Variants in MCF2L observed in about 807,000 individuals in gnomAD.
MCF2L encodes guanine nucleotide exchange factor DBS.
MCF2L carries 97 observed loss-of-function variants against 153.4 expected under a neutral mutation model. That is an observed-to-expected ratio of 0.63 (90% confidence interval 0.54 to 0.75). The LOEUF is 0.75. Ranked by LOEUF, MCF2L falls within the 30% of genes least tolerant of loss-of-function variation. The pLI, the probability that MCF2L is intolerant of heterozygous loss-of-function variation, is 0.00. For synonymous variants in MCF2L, 659 were observed against 632.2 expected (o/e 1.04, Z -0.64); for missense variants, 1,347 against 1,495.2 (o/e 0.90, Z 1.64).
rs1452063528 is a variant in MCF2L, at chr13:113,031,211, CAGAGACAGAG to C, written c.278+6467_278+6476del. On this transcript the variant is annotated intron_variant, in intron 3 of 29. Coordinates refer to ENST00000535094, the MANE Select transcript of MCF2L (RefSeq NM_001112732.3). This position sits in a 1 kb window ranked among gnomAD's most constrained non-coding sequence, Gnocchi z 5.5. ...ACAGAGAGACAGAGACAGACAGAGA[CAGAGACAGAG>C]AGAGACAGAGAGAAGAGACAGAGAG... 6.7e-6 allele frequency among the ~76,000 whole-genome samples: 1 copy of C among 148,770 alleles called. No homozygotes were observed. The highest frequency in any genetic ancestry group is 1.5e-5 in the Non-Finnish European group (1 of 67,474).
At chr13:113,092,227 C>T (rs2035278851) in intron 26 of MCF2L, among the ~76,000 whole-genome samples, 1 of 152,264 alleles carries the variant, frequency 6.6e-6, no homozygotes, top group South Asian at 2.1e-4. Context: ...AATGCCGCTT[C>T]TGCTGCACTT....
chr13:112,995,731 G>A (rs2141007678), intron 1 of MCF2L, among the ~76,000 whole-genome samples: 1 of 152,272 alleles, frequency 6.6e-6, no homozygotes, highest in Admixed American at 6.5e-5. Context: ...AGGAACGGGG[G>A]AATGAGTGGG....
intron 4 of MCF2L, among the ~76,000 whole-genome samples, chr13:113,056,701 A>G (rs1459868443): frequency 7.4e-3 from 294 of 39,786 alleles, no homozygotes; most frequent in Middle Eastern, 0.025. Flanking sequence ...CTGAGTGTTT[A>G]GGTGCTGTGT....
chr13:112,962,973 T>C (rs942928682), intron 2 of MCF2L, among the ~76,000 whole-genome samples: 6 of 152,144 alleles, frequency 3.9e-5, no homozygotes, highest in African/African-American at 1.4e-4. Flanking sequence ...GTGCTTCCCC[T>C]CTCTGAGCAG....
intron 1 of MCF2L, among the ~76,000 whole-genome samples, chr13:112,982,063 G>A (rs554274768): frequency 4.6e-5 from 7 of 152,318 alleles, no homozygotes; most frequent in African/African-American, 1.7e-4. Context: ...TGCAGCAGTG[G>A]AGGCCTTGTC....
rs12584235 is a variant in MCF2L, at chr13:113,063,483, T to C, written c.490-821T>C. 6.0e-4 allele frequency among the ~76,000 whole-genome samples: 60 copies of C among 100,472 alleles called. 1 individual carries two copies. Among genetic ancestry groups the C allele is most frequent in the Non-Finnish European group, 6.9e-4 (32 of 46,634 alleles). 65.9% of individuals were successfully genotyped at this position (100,472 alleles called of 152,430 possible). ...CACAGCCGCCCACAGCGTTCAGGCGTCCCTGTCCACACAGCTGCCCACAGC... is the reference window on the plus strand; with the variant it reads ...CACAGCCGCCCACAGCGTTCAGGCGCCCCTGTCCACACAGCTGCCCACAGC... On this transcript the variant is annotated intron_variant, in intron 5 of 29. Transcript: ENST00000535094.
intron 3 of MCF2L, among the ~76,000 whole-genome samples, chr13:113,026,472 C>T (rs191812266): frequency 1.1e-4 from 16 of 152,340 alleles, no homozygotes; most frequent in African/African-American, 3.6e-4. Flanking sequence ...TCCTGGAGCT[C>T]GGAGGCCCAC....
chr13:112,968,555 G>C (rs539036853), upstream of MCF2L: 2 of 1,548,484 alleles, frequency 1.3e-6, no homozygotes, highest in African/African-American at 2.7e-5. Context: ...GCGGGGAGGG[G>C]CTGGTCCATC....
At chr13:113,084,848 G>A in intron 18 of MCF2L, 44 bp from the exon 19 acceptor site, 1 of 1,461,042 alleles carries the variant, frequency 6.8e-7, no homozygotes, top group Non-Finnish European at 9.6e-7. Flanking sequence ...GTGATGCGCT[G>A]CCCATCCCTC....
chr13:112,903,737 G>T (rs1449003142), intron 2 of MCF2L, among the ~76,000 whole-genome samples: 1 of 152,194 alleles, frequency 6.6e-6, no homozygotes, highest in African/African-American at 2.4e-5. Flanking sequence ...TGAGGACTGA[G>T]CCTCTTGGGA....
At position 113,064,321 on chromosome 13, in the gene MCF2L, C is replaced by T. The variant is rs765987538; in HGVS notation, c.507C>T (p.Ser169=). ...KMKVPVIMLS[S]VPDLHGYIDK... is the part of the protein sequence containing the mutation. ...TCCTCCAGGTCATAATGCTGAGCTC[C>T]GTACCAGACTTACACGGTTACATCG... The change falls in exon 6 of 30, where the codon TCC becomes TCT. Residue 169 remains serine, a synonymous_variant. Transcript: ENST00000535094. This position sits in a 1 kb window ranked among gnomAD's most constrained non-coding sequence, Gnocchi z 6.0. The T allele has an allele frequency of 5.6e-6, 9 of 1,612,842 alleles. No homozygotes were observed. The highest frequency in any genetic ancestry group is 4.5e-5 in the East Asian group (2 of 44,886).
At position 113,054,503 on chromosome 13, in the gene MCF2L, T is replaced by C. The variant is rs931404313; in HGVS notation, c.370-6090T>C. On this transcript the variant is annotated intron_variant, in intron 4 of 29. Transcript: ENST00000535094. The surrounding 1 kb of genome is among the most constrained non-coding windows in gnomAD (Gnocchi z 5.2). ...GATTCCGGCTCTAACGTCTTCTTCA[T>C]CTGTTAACACAGAGACACAAACAAA... 6.1e-6 allele frequency: 1 copy of C among 163,532 alleles called. No homozygotes were observed. Among genetic ancestry groups the C allele is most frequent in the Non-Finnish European group, 1.5e-5 (1 of 68,112 alleles). The allele number at this position is 163,532 out of a possible 1,614,324, so 10.1% of individuals were successfully genotyped here. A position where few individuals can be genotyped will look rare whatever the true frequency, so the allele number is the denominator to read the frequency against.
At position 113,089,172 on chromosome 13, in the gene MCF2L, C is replaced by A. The variant is rs1445059351; in HGVS notation, c.2835-438C>A. ...TTTAAAAAAGAAACACTCCCCCGCC[C>A]CCCCCCCCGCCCCCCGAAAAAAAAA... On this transcript the variant is annotated intron_variant, in intron 25 of 29. Coordinates refer to ENST00000535094, the MANE Select transcript of MCF2L (RefSeq NM_001112732.3). Among the ~76,000 whole-genome samples the A allele has an allele frequency of 3.1e-4, 35 of 111,136 alleles. 1 individual carries two copies. The highest frequency in any genetic ancestry group is 1.7e-3 in the South Asian group (4 of 2,346). The allele number at this position is 111,136 out of a possible 152,430, so 72.9% of individuals were successfully genotyped here. A position where few individuals can be genotyped will look rare whatever the true frequency, so the allele number is the denominator to read the frequency against.
At chr13:113,090,176 G>T (rs1381267295) in intron 26 of MCF2L, 5 of 1,522,636 alleles carry the variant, frequency 3.3e-6, no homozygotes, top group Non-Finnish European at 4.4e-6. Flanking sequence ...AGTAGTGCCT[G>T]CCCCAAACCC....
chr13:112,899,029 C>A (rs192315713), intron 1 of MCF2L, among the ~76,000 whole-genome samples: 1 of 152,212 alleles, frequency 6.6e-6, no homozygotes, highest in African/African-American at 2.4e-5. Context: ...GCTGAACCTG[C>A]GGAGAAGCTG....
At chr13:113,023,199 G>A (rs1461187773) in intron 2 of MCF2L, among the ~76,000 whole-genome samples, 2 of 152,250 alleles carry the variant, frequency 1.3e-5, no homozygotes, top group Admixed American at 6.5e-5. Context: ...CTCAAGGCAT[G>A]AGCCCTCAAA....
At chr13:113,014,124 C>A (rs1052316971) in intron 1 of MCF2L, among the ~76,000 whole-genome samples, 3 of 152,276 alleles carry the variant, frequency 2.0e-5, no homozygotes, top group Admixed American at 6.5e-5. Context: ...CCAGCCAGTG[C>A]TGGCCTGGTG....
At chr13:113,065,179 G>T (rs770277338) in intron 7 of MCF2L, 94 bp downstream of exon 7, 65 of 1,481,632 alleles carry the variant, frequency 4.4e-5, no homozygotes, top group Non-Finnish European at 6.0e-5. Context: ...GGGGTCTTTC[G>T]TCCCAGCGGG....
chr13:112,960,582 G>C lies in MCF2L; in HGVS notation c.170-54181G>C, dbSNP rs1263598837. On this transcript the variant is annotated intron_variant, in intron 2 of 29. Coordinates refer to the MCF2L transcript ENST00000375608. This position sits in a 1 kb window ranked among gnomAD's most constrained non-coding sequence, Gnocchi z 4.2. ...GGGCTTTGGGGTTTCGGTGTCCAGG[G>C]CTGTGTCAGTTTCCTATTGCAGTTG... Among the ~76,000 whole-genome samples the C allele has an allele frequency of 6.6e-6, 1 of 152,168 alleles. No individual in the cohort carries two copies. Among genetic ancestry groups the C allele is most frequent in the Non-Finnish European group, 1.5e-5 (1 of 68,032 alleles).
Sources: allele counts gnomAD v4.1 joint callset (sites outside exome capture counted in the v4.1 genomes callset), GRCh38; gene constraint gnomAD v4.1.1; non-coding constraint Gnocchi (gnomAD v3.1); transcripts MANE v1.5; gene names NCBI Gene and HGNC (gene_info 2026-07-23, HGNC 2026-07-21).